COXFA4: variants seen among roughly 807,000 people sequenced by gnomAD.
The protein encoded by COXFA4 is cytochrome c oxidase subunit FA4.
chr7:10,932,537 G>A, the COXFA4 span: 4 of 152,158 alleles, frequency 2.6e-5, no homozygotes, highest in Admixed American at 6.5e-5. Context: ...ACATTTAATT[G>A]TATACTTACG....
the COXFA4 span, chr7:10,937,963 C>T: frequency 1.3e-6 from 1 of 762,554 alleles, no homozygotes; most frequent in Admixed American, 2.1e-5. Context: ...ACAGAACTAC[C>T]TAACAGCTCT....
chr7:10,934,550 T>C, the COXFA4 span, among the ~76,000 whole-genome samples: 1 of 152,160 alleles, frequency 6.6e-6, no homozygotes, highest in Non-Finnish European at 1.5e-5. Flanking sequence ...GGTTGTGCTA[T>C]AATTACTTGA....
the COXFA4 span, among the ~76,000 whole-genome samples, chr7:10,937,273 C>A: frequency 6.6e-6 from 1 of 151,418 alleles, no homozygotes; most frequent in Non-Finnish European, 1.5e-5. Context: ...TTAATGAAGC[C>A]GCCCTTGGTT....
the COXFA4 span, chr7:10,937,972 C>G: frequency 3.6e-6 from 3 of 828,286 alleles, no homozygotes; most frequent in South Asian, 2.9e-5. Context: ...CCTAACAGCT[C>G]TTTAAAGTTC....
At chr7:10,939,744 G>A in the COXFA4 span, 48 of 517,466 alleles carry the variant, frequency 9.3e-5, no homozygotes, top group South Asian at 8.5e-4. Context: ...GCGGCCACCA[G>A]ACTGTTCCAA....
At chr7:10,937,956 G>C in the COXFA4 span, 1 of 715,806 alleles carries the variant, frequency 1.4e-6, no homozygotes. Flanking sequence ...TCATTTCACA[G>C]AACTACCTAA....
At chr7:10,933,545 G>C in the COXFA4 span, 8 of 933,772 alleles carry the variant, frequency 8.6e-6, no homozygotes, top group South Asian at 1.1e-4. Context: ...GCATTTAGAG[G>C]AGAAATATTT....
chr7:10,937,616 T>A, the COXFA4 span, among the ~76,000 whole-genome samples: 1 of 152,130 alleles, frequency 6.6e-6, no homozygotes, highest in African/African-American at 2.4e-5. Flanking sequence ...AGGGTCTTTG[T>A]ATGCAAAATT....
At chr7:10,938,348 T>G in the COXFA4 span, 1 of 553,104 alleles carries the variant, frequency 1.8e-6, no homozygotes, top group Non-Finnish European at 3.2e-6. Flanking sequence ...GAACACAGAA[T>G]CCCTATCACA....
chr7:10,939,801 G>A, the COXFA4 span: 154 of 660,128 alleles, frequency 2.3e-4, no homozygotes, highest in Admixed American at 5.9e-4. Context: ...AGCAGTGTCC[G>A]TCTCCTTCCT....
At chr7:10,934,492 G>C in the COXFA4 span, among the ~76,000 whole-genome samples, 1 of 151,608 alleles carries the variant, frequency 6.6e-6, no homozygotes, top group African/African-American at 2.4e-5. Context: ...GCCCAAATAA[G>C]GCTAAAATCT....
the COXFA4 span, chr7:10,938,454 AT>A: frequency 7.0e-6 from 3 of 430,560 alleles, no homozygotes; most frequent in African/African-American, 5.9e-5. Flanking sequence ...CAATCTTTTG[AT>A]TGTCTATTGT....
chr7:10,938,534 T>G, the COXFA4 span: 1 of 433,800 alleles, frequency 2.3e-6, no homozygotes, highest in East Asian at 4.0e-5. Flanking sequence ...GATTATTTTA[T>G]AAAAACAATT....
chr7:10,935,578 G>A, the COXFA4 span, among the ~76,000 whole-genome samples: 1 of 152,162 alleles, frequency 6.6e-6, no homozygotes, highest in Non-Finnish European at 1.5e-5. Flanking sequence ...TGGAGGCTGG[G>A]CCTTTGAGAG....
the COXFA4 span, chr7:10,938,025 C>T: frequency 7.2e-7 from 1 of 1,391,150 alleles, no homozygotes; most frequent in Non-Finnish European, 1.0e-6. Flanking sequence ...TCAAGAAAAC[C>T]CACCCCATGA....
the COXFA4 span, chr7:10,939,956 A>C: frequency 6.3e-7 from 1 of 1,588,426 alleles, no homozygotes; most frequent in Non-Finnish European, 8.6e-7. Context: ...GAACAGAAAG[A>C]GGCGCACCCC....
the COXFA4 span, chr7:10,940,025 C>T: frequency 6.2e-7 from 1 of 1,613,916 alleles, no homozygotes; most frequent in Non-Finnish European, 8.5e-7. Context: ...CGCTCGGATG[C>T]TTCTTGGCCT....
At chr7:10,938,009 C>G in the COXFA4 span, 4 of 1,126,262 alleles carry the variant, frequency 3.6e-6, no homozygotes, top group African/African-American at 6.1e-5. Context: ...ACTCGTATAT[C>G]CAGTTTCAAG....
At chr7:10,938,212 A>G in the COXFA4 span, 1 of 1,415,746 alleles carries the variant, frequency 7.1e-7, no homozygotes. Context: ...TTGTACTAAG[A>G]ATACATTTTT....
Sources: allele counts gnomAD v4.1 joint callset (sites outside exome capture counted in the v4.1 genomes callset), GRCh38; gene constraint gnomAD v4.1.1; transcripts MANE v1.5; gene names NCBI Gene and HGNC (gene_info 2026-07-23, HGNC 2026-07-21).